The following SIK3 variants were observed in gnomAD, a reference collection of about 807,000 sequenced individuals.
The protein encoded by SIK3 is SIK family kinase 3, also known as serine/threonine-protein kinase SIK3.
A neutral mutation model predicts 144.2 loss-of-function variants in SIK3; 28 were observed. The ratio of observed to expected loss-of-function variants is 0.19; its 90% confidence interval spans 0.14 to 0.27. SIK3 has a LOEUF of 0.27. Among genes scored for constraint, SIK3 ranks in the 10% least tolerant of loss-of-function variants. The pLI is 1.00. For synonymous variants in SIK3, 686 were observed against 676.3 expected (o/e 1.01, Z -0.22); for missense variants, 1,319 against 1,776.0 (o/e 0.74, Z 4.62).
chr11:116,957,122 A>G (rs1949167762), intron 1 of SIK3, 58 bp from the exon 2 acceptor site: 1 of 881,970 alleles, frequency 1.1e-6, no homozygotes, highest in Non-Finnish European at 1.7e-6. Context: ...TTTACTAAGA[A>G]AAATTAGGTT....
rs191982217 is a variant in SIK3 at position 116,905,698 on chromosome 11, T to A, written c.617-8381A>T. ...GATATCTTACAGTGGTTTTCATTTA[T>A]ATTTCCCTGATGGCTAATAATATTG... On this transcript the variant is annotated intron_variant, in intron 4 of 24. Coordinates refer to ENST00000445177, the MANE Select transcript of SIK3 (RefSeq NM_001366686.3). 1.0e-4 allele frequency among the ~76,000 whole-genome samples: 16 copies of A among 152,390 alleles called. 1 individual carries two copies. Among genetic ancestry groups the A allele is most frequent in the Admixed American group, 7.2e-4 (11 of 15,310 alleles).
chr11:117,080,380 A>G (rs942679038), intron 1 of SIK3, among the ~76,000 whole-genome samples: 1 of 152,238 alleles, frequency 6.6e-6, no homozygotes, highest in Admixed American at 6.5e-5. Flanking sequence ...CACTTCTAGT[A>G]AATTATTCTA....
At chr11:116,908,542 C>T (rs532308511) in intron 4 of SIK3, among the ~76,000 whole-genome samples, 6 of 152,032 alleles carry the variant, frequency 3.9e-5, no homozygotes, top group African/African-American at 1.4e-4. Context: ...AAACAAAGGA[C>T]TTGTATCCAG....
Position 116,873,546 on chromosome 11 carries a change from G to A in SIK3, c.1672C>T (p.Gln558Ter). The change falls in exon 13 of 25, where the codon CAA (glutamine) becomes TAA (stop). Residue 558 changes from glutamine (Q) to a stop codon, truncating the protein, a stop_gained. Coordinates refer to ENST00000445177, the MANE Select transcript of SIK3 (RefSeq NM_001366686.3). LOFTEE classifies it high-confidence loss of function. ...RRASDGGANI[Q>*]LHAQQLLKRP... ...TTCAGCAGCTGCTGGGCATGCAGTTGGATGTTGGCTCCTCCATCTGATGCC... is the reference window on the plus strand; with the variant it reads ...TTCAGCAGCTGCTGGGCATGCAGTTAGATGTTGGCTCCTCCATCTGATGCC... 6.2e-7 allele frequency: 1 copy of A among 1,613,046 alleles called. No individual in the cohort carries two copies. Among genetic ancestry groups the A allele is most frequent in the Non-Finnish European group, 8.5e-7 (1 of 1,179,608 alleles).
At chr11:116,945,851 C>T (rs1181870448) in intron 3 of SIK3, among the ~76,000 whole-genome samples, 1 of 151,980 alleles carries the variant, frequency 6.6e-6, no homozygotes, top group South Asian at 2.1e-4. Flanking sequence ...TTCTTAATTG[C>T]CCTCTCTCTC....
At chr11:116,850,583 A>G (rs1416410799) in intron 21 of SIK3, among the ~76,000 whole-genome samples, 1 of 152,206 alleles carries the variant, frequency 6.6e-6, no homozygotes, top group African/African-American at 2.4e-5. Flanking sequence ...CCTTGGTACC[A>G]TGTTCAATTA....
intron 1 of SIK3, among the ~76,000 whole-genome samples, chr11:117,019,771 G>T: frequency 6.6e-6 from 1 of 151,890 alleles, no homozygotes; most frequent in East Asian, 1.9e-4. Flanking sequence ...GTGCCACCAC[G>T]CCCGGCTAAT....
chr11:116,873,697 G>C, intron 12 of SIK3, 61 bp from the exon 13 acceptor site: 1 of 1,508,246 alleles, frequency 6.6e-7, no homozygotes, highest in Admixed American at 2.3e-5. Context: ...GGAGAAAGGG[G>C]CAAGCCACTC....
chr11:116,916,959 A>G (rs1253775559), intron 4 of SIK3, among the ~76,000 whole-genome samples: 1 of 150,516 alleles, frequency 6.6e-6, no homozygotes, highest in Non-Finnish European at 1.5e-5. Context: ...AAAAAATTTT[A>G]TTGTTTTTTT....
intron 1 of SIK3, among the ~76,000 whole-genome samples, chr11:117,055,490 A>G (rs972045080): frequency 2.0e-5 from 3 of 152,232 alleles, no homozygotes; most frequent in Non-Finnish European, 4.4e-5. Context: ...ATGGAGCCAG[A>G]TTCAAATCCT....
Position 116,873,923 on chromosome 11 carries a change from T to A in SIK3, c.1561A>T (p.Thr521Ser). 3 of 1,612,790 alleles carry A rather than the reference T, an allele frequency of 1.9e-6. No homozygotes were observed. The highest frequency in any genetic ancestry group is 2.5e-6 in the Non-Finnish European group (3 of 1,179,492). Residue 521 changes from threonine to serine, a missense_variant, in exon 12 of 25, where the codon ACC (threonine) becomes TCC (serine). Physicochemically the swap from Thr to Ser is moderately conservative, Grantham distance 58 (BLOSUM62 1). Transcript: ENST00000445177. ...NLLPMQNLQPTGQLEYKEQSL... is the reference protein window; with the variant it reads ...NLLPMQNLQPSGQLEYKEQSL... ...GGTACCTTGTACTCAAGTTGCCCGGTTGGTTGCAAGTTTTGCATAGGCAAC... is the reference window on the plus strand; with the variant it reads ...GGTACCTTGTACTCAAGTTGCCCGGATGGTTGCAAGTTTTGCATAGGCAAC...
intron 1 of SIK3, among the ~76,000 whole-genome samples, chr11:116,989,936 A>C (rs1950445518): frequency 6.6e-6 from 1 of 151,070 alleles, no homozygotes. Flanking sequence ...TTTCAAGTCT[A>C]ATAGAACAAT....
At chr11:116,914,353 C>A (rs1020015107) in intron 4 of SIK3, among the ~76,000 whole-genome samples, 23 of 151,976 alleles carry the variant, frequency 1.5e-4, no homozygotes, top group Non-Finnish European at 1.9e-4. Flanking sequence ...GGACTACAGG[C>A]ATGTGCCACC....
intron 1 of SIK3, among the ~76,000 whole-genome samples, chr11:117,087,211 C>T (rs923299539): frequency 5.3e-5 from 8 of 151,554 alleles, no homozygotes; most frequent in African/African-American, 1.9e-4. Context: ...AGGCTGGGGG[C>T]GGGGGGTGGA....
chr11:117,044,758 G>A lies in SIK3; in HGVS notation c.273+53385C>T, dbSNP rs1007129441. ...AAATTAGCCAGAAGTGGTGGTATACGCTTGTTGTCCCAGCTACTCACAGGT... is the reference window on the plus strand; with the variant it reads ...AAATTAGCCAGAAGTGGTGGTATACACTTGTTGTCCCAGCTACTCACAGGT... On this transcript the variant is annotated intron_variant, in intron 1 of 24. Transcript: ENST00000445177. 2.0e-5 allele frequency among the ~76,000 whole-genome samples: 3 copies of A among 152,100 alleles called. No homozygotes were observed. In the East Asian group the frequency reaches 5.8e-4, roughly 29 times the overall value.
chr11:116,874,934 G>T (rs1351798247), intron 11 of SIK3, among the ~76,000 whole-genome samples: 1 of 152,166 alleles, frequency 6.6e-6, no homozygotes. Context: ...ACTATTTTGG[G>T]AAAACACTTT....
chr11:117,053,251 T>G (rs2135921465), intron 1 of SIK3, among the ~76,000 whole-genome samples: 1 of 151,488 alleles, frequency 6.6e-6, no homozygotes, highest in African/African-American at 2.4e-5. Context: ...GCAGGAGAAT[T>G]GCTTGAACCC....
intron 4 of SIK3, among the ~76,000 whole-genome samples, chr11:116,902,531 A>G (rs1261739007): frequency 1.3e-5 from 2 of 152,236 alleles, no homozygotes; most frequent in East Asian, 3.8e-4. Context: ...AACTAGAGAG[A>G]GCCACATCTG....
At chr11:116,919,049 A>G (rs1425164703) in intron 4 of SIK3, among the ~76,000 whole-genome samples, 2 of 152,190 alleles carry the variant, frequency 1.3e-5, no homozygotes, top group Admixed American at 1.3e-4. Flanking sequence ...GGACATGTCA[A>G]CCTGGGAGGT....
Sources: gnomAD v4.1 joint callset for allele counts (sites outside exome capture counted in the v4.1 genomes callset) on GRCh38, gnomAD v4.1.1 for gene constraint, MANE v1.5 for transcripts, NCBI Gene and HGNC (gene_info 2026-07-23, HGNC 2026-07-21) for gene names.